The following COL14A1 variants were observed in gnomAD, a reference collection of about 807,000 sequenced individuals.
COL14A1 encodes collagen type XIV alpha 1 chain.
A neutral mutation model predicts 230.3 loss-of-function variants in COL14A1; 136 were observed. The ratio of observed to expected loss-of-function variants is 0.59; its 90% CI spans 0.51 to 0.68. The LOEUF (loss-of-function observed/expected upper bound fraction) is 0.68, where lower values mean the gene tolerates loss of function less well. COL14A1 is among the 30% of genes least tolerant of loss of function. The pLI is 0.00. For missense variants in COL14A1, 1,976 were observed against 2,215.8 expected (o/e 0.89, Z 2.17); for synonymous variants, 792 against 784.1 (o/e 1.01, Z -0.17).
At chr8:120,142,231 T>C (rs1814938897) in intron 1 of COL14A1, among the ~76,000 whole-genome samples, 1 of 152,198 alleles carries the variant, frequency 6.6e-6, no homozygotes, top group Non-Finnish European at 1.5e-5. Context: ...TTTCTTTGGG[T>C]GTGGTGGACA....
intron 39 of COL14A1, 132 bp downstream of exon 39, chr8:120,315,718 C>T (rs1203332795): frequency 1.2e-6 from 1 of 822,980 alleles, no homozygotes; most frequent in African/African-American, 1.7e-5. Flanking sequence ...CCTGTATTCA[C>T]TTACCCTAAG....
chr8:120,294,451 T>G (rs1159477451), intron 34 of COL14A1, among the ~76,000 whole-genome samples: 2 of 119,082 alleles, frequency 1.7e-5, no homozygotes, highest in Non-Finnish European at 3.5e-5. Flanking sequence ...TTTTTTTTTT[T>G]GCAAAGATGT....
intron 23 of COL14A1, 104 bp from the exon 24 acceptor site, chr8:120,262,764 G>A (rs914005113): frequency 1.9e-6 from 2 of 1,080,890 alleles, no homozygotes; most frequent in Non-Finnish European, 2.6e-6. Flanking sequence ...GTTATCTGAT[G>A]TGGGCTAACA....
chr8:120,194,251 A>C (rs1816947405), intron 5 of COL14A1, among the ~76,000 whole-genome samples: 1 of 152,146 alleles, frequency 6.6e-6, no homozygotes, highest in South Asian at 2.1e-4. Flanking sequence ...GTTTGCTTTT[A>C]AGGTTTTTGG....
intron 18 of COL14A1, among the ~76,000 whole-genome samples, chr8:120,229,421 T>C (rs1333554210): frequency 7.9e-5 from 12 of 152,100 alleles, no homozygotes; most frequent in African/African-American, 2.2e-4. Flanking sequence ...TTCATCCATG[T>C]CCCTACAAAG....
At chr8:120,273,686 T>A (rs1819745523) in intron 26 of COL14A1, among the ~76,000 whole-genome samples, 1 of 151,006 alleles carries the variant, frequency 6.6e-6, no homozygotes, top group South Asian at 2.1e-4. Context: ...AACTACAAAA[T>A]CTGAAGGAAA....
chr8:120,306,737 T>C (rs1162723029), intron 36 of COL14A1, among the ~76,000 whole-genome samples: 2 of 152,200 alleles, frequency 1.3e-5, no homozygotes, highest in Admixed American at 1.3e-4. Flanking sequence ...GTTAGAAGTG[T>C]AAAGTGGTCC....
intron 1 of COL14A1, 127 bp from the exon 2 acceptor site, chr8:120,147,679 G>T: frequency 1.9e-6 from 1 of 520,382 alleles, no homozygotes; most frequent in Non-Finnish European, 3.4e-6. Context: ...TGAAATGCAC[G>T]ATGCTCTAGG....
chr8:120,134,661 C>G (rs1814650027), intron 1 of COL14A1, among the ~76,000 whole-genome samples: 2 of 152,030 alleles, frequency 1.3e-5, no homozygotes, highest in Admixed American at 6.6e-5. Flanking sequence ...ATATTAAATA[C>G]AAAAATTTCT....
In COL14A1 at chr8:120,212,589, A is replaced by G. The variant is rs1481773168; in HGVS notation, c.1597+12A>G. The G allele has an allele frequency of 6.2e-7, 1 of 1,613,018 alleles. No individual in the cohort carries two copies. Among genetic ancestry groups the G allele is most frequent in the Non-Finnish European group, 8.5e-7 (1 of 1,179,210 alleles). On this transcript the variant is annotated intron_variant, in intron 13 of 47. Coordinates refer to ENST00000297848, the MANE Select transcript of COL14A1 (RefSeq NM_021110.4). ...ACAAGAAACAACATGTGAGCAGCAC[A>G]GCCATTCAGTTGGGATGCTGTAGTA...
At chr8:120,255,135 A>G in intron 22 of COL14A1, 105 bp from the exon 23 acceptor site, 1 of 810,104 alleles carries the variant, frequency 1.2e-6, no homozygotes, top group South Asian at 1.5e-5. Flanking sequence ...CCCAGCTCTG[A>G]CTATGCAGCT....
intron 32 of COL14A1, among the ~76,000 whole-genome samples, chr8:120,284,835 G>C (rs1386531166): frequency 6.6e-6 from 1 of 151,848 alleles, no homozygotes; most frequent in Non-Finnish European, 1.5e-5. Context: ...GAATTAGAAA[G>C]AAAAAAGATT....
chr8:120,240,790 G>C (rs1274770816), intron 19 of COL14A1, among the ~76,000 whole-genome samples: 1 of 152,092 alleles, frequency 6.6e-6, no homozygotes, highest in Non-Finnish European at 1.5e-5. Context: ...TAAATGAAAT[G>C]TTTCTATACT....
chr8:120,158,557 T>C (rs1483544261), intron 3 of COL14A1, among the ~76,000 whole-genome samples: 1 of 152,182 alleles, frequency 6.6e-6, no homozygotes, highest in Non-Finnish European at 1.5e-5. Context: ...GAATGTCCAA[T>C]AGTTTTGACT....
intron 4 of COL14A1, among the ~76,000 whole-genome samples, chr8:120,166,338 C>CA (rs1815871870): frequency 6.6e-6 from 1 of 152,086 alleles, no homozygotes; most frequent in Non-Finnish European, 1.5e-5. Flanking sequence ...TGAGTAAGTC[C>CA]AACTTATATT....
chr8:120,349,243 C>T (rs1822655360), intron 45 of COL14A1, among the ~76,000 whole-genome samples: 1 of 150,504 alleles, frequency 6.6e-6, no homozygotes, highest in African/African-American at 2.5e-5. Context: ...TGTACATCAC[C>T]ATCATCAAAG....
At chr8:120,298,687 A>C (rs1356150931) in intron 35 of COL14A1, among the ~76,000 whole-genome samples, 1 of 139,814 alleles carries the variant, frequency 7.2e-6, no homozygotes, top group African/African-American at 2.7e-5. Context: ...GTAAGCTGGC[A>C]CGGACAACCA....
rs1248463975 is a variant in COL14A1, at chr8:120,345,551, C to T, written c.5065C>T (p.Pro1689Ser). ...FPGNAGVPGT[P>S]GERGLTGIKG... is the part of the protein sequence containing the mutation. ...CGGAAATGCAGGCGTGCCAGGGACC[C>T]CAGGAGAACGAGGTAAGCTGGGCCC... Residue 1689 changes from proline to serine, a missense_variant, in exon 45 of 48, where the codon CCA becomes TCA. Pro to Ser is a moderately conservative substitution (Grantham distance 74). Around this residue, in one of 3 missense-constraint regions of COL14A1, gnomAD observed 1,791 missense variants for 2,019.5 expected, o/e 0.89. Coordinates refer to ENST00000297848, the MANE Select transcript of COL14A1 (RefSeq NM_021110.4). The T allele has an allele frequency of 6.5e-7, 1 of 1,549,726 alleles. No homozygotes were observed. Among genetic ancestry groups the T allele is most frequent in the Non-Finnish European group, 8.7e-7 (1 of 1,155,350 alleles).
At chr8:120,296,425 T>A (rs1195295017) in intron 34 of COL14A1, among the ~76,000 whole-genome samples, 1 of 151,912 alleles carries the variant, frequency 6.6e-6, no homozygotes, top group Non-Finnish European at 1.5e-5. Flanking sequence ...TTTAATAACA[T>A]GTTTCAATAG....
Sources: allele counts gnomAD v4.1 joint callset (sites outside exome capture counted in the v4.1 genomes callset), GRCh38; gene constraint gnomAD v4.1.1; regional missense constraint gnomAD v4.1.1; transcripts MANE v1.5; gene names NCBI Gene and HGNC (gene_info 2026-07-23, HGNC 2026-07-21).